DENND4A: variants seen among roughly 807,000 people sequenced by gnomAD.
The protein encoded by DENND4A is DENN domain containing 4A.
In DENND4A, 70 loss-of-function variants were observed where a neutral mutation model predicts 199.3. That is an observed-to-expected ratio of 0.35 (90% CI 0.29 to 0.43). The LOEUF is 0.43. DENND4A is among the 20% of genes least tolerant of loss of function. The pLI is 1.00. For missense variants in DENND4A, 1,723 were observed against 2,255.8 expected, an observed-to-expected ratio of 0.76 and a Z score of 4.78; for synonymous variants, 686 against 766.9, an observed-to-expected ratio of 0.89 and a Z score of 1.74.
At chr15:65,664,442 T>A in intron 31 of DENND4A, 48 bp from the exon 32 acceptor site, 1 of 1,510,404 alleles carries the variant, frequency 6.6e-7, no homozygotes, top group Non-Finnish European at 9.1e-7. Context: ...ATATAGTCCA[T>A]ATGTTCCCTA....
At chr15:65,755,490 G>A (rs1395278088) in intron 3 of DENND4A, among the ~76,000 whole-genome samples, 2 of 152,176 alleles carry the variant, frequency 1.3e-5, no homozygotes, top group Admixed American at 6.5e-5. Flanking sequence ...ATGGGGCTGG[G>A]TGTGGTGGCT....
Position 65,690,655 on chromosome 15 carries a change from T to C in DENND4A, c.3939A>G (p.Thr1313=). 1 of 1,613,794 alleles carries C rather than the reference T, an allele frequency of 6.2e-7. No individual in the cohort carries two copies. The highest frequency in any genetic ancestry group is 8.5e-7 in the Non-Finnish European group (1 of 1,179,810). The change falls in exon 23 of 33, where the codon ACA becomes ACG. Residue 1313 remains threonine, a synonymous_variant. Coordinates refer to ENST00000443035, the MANE Select transcript of DENND4A (RefSeq NM_001320835.1). Reference sequence around the variant, plus strand: ...TATCCCTTGGTTTCTCCTCACTTTTTGTGTAACTTTTAGATTTGGTAAGTC... The same window carrying C: ...TATCCCTTGGTTTCTCCTCACTTTTCGTGTAACTTTTAGATTTGGTAAGTC... The part of the protein sequence containing the change: ...PVRLTKSKSY[T]KSEEKPRDRL...
intron 23 of DENND4A, among the ~76,000 whole-genome samples, chr15:65,679,717 T>TG (rs933263384): frequency 6.6e-6 from 1 of 151,546 alleles, no homozygotes; most frequent in Non-Finnish European, 1.5e-5. Flanking sequence ...TTTCTAGAGA[T>TG]GGGGTTTTGC....
At chr15:65,706,476 A>T (rs2075056847) in intron 14 of DENND4A, among the ~76,000 whole-genome samples, 1 of 115,322 alleles carries the variant, frequency 8.7e-6, no homozygotes, top group South Asian at 3.0e-4. Context: ...ACACACACAC[A>T]CACACACACA....
chr15:65,776,526 C>G (rs932859987), intron 1 of DENND4A, among the ~76,000 whole-genome samples: 4 of 152,076 alleles, frequency 2.6e-5, no homozygotes, highest in African/African-American at 9.7e-5. Context: ...TTAAGTATCC[C>G]TTTGTATCCA....
chr15:65,738,472 T>C (rs897689557), intron 6 of DENND4A, among the ~76,000 whole-genome samples: 2 of 152,142 alleles, frequency 1.3e-5, no homozygotes, highest in African/African-American at 2.4e-5. Flanking sequence ...AAATGAAGGA[T>C]CATCATTTGA....
intron 11 of DENND4A, among the ~76,000 whole-genome samples, chr15:65,724,382 T>A (rs1399838735): frequency 9.6e-5 from 3 of 31,340 alleles, no homozygotes; most frequent in East Asian, 0.013. Context: ...TTTTGAATCG[T>A]TTTTTTTTTT....
Position 65,715,503 on chromosome 15 carries a change from G to T in DENND4A, c.1928C>A (p.Ala643Glu), listed in dbSNP as rs1361590492. The change falls in exon 14 of 33, where the codon GCA (alanine) becomes GAA (glutamate). Residue 643 changes from alanine (A) to glutamate (E), a missense_variant. Transcript: ENST00000443035. ...TTTATCTACACAATCATCAAAAAAT[G>T]CCAGGCTTGCATCTTTGTCACTAAC... ...SFVSDKDASL[A>E]FFDDCVDKVD... The T allele has an allele frequency of 4.3e-6, 7 of 1,610,404 alleles. No homozygotes were observed. The highest frequency in any genetic ancestry group is 5.1e-6 in the Non-Finnish European group (6 of 1,179,160).
chr15:65,751,402 T>C (rs1046310424), intron 4 of DENND4A, among the ~76,000 whole-genome samples: 1 of 152,212 alleles, frequency 6.6e-6, no homozygotes, highest in Admixed American at 6.5e-5. Flanking sequence ...TTTGGACATA[T>C]TAAATTTGAG....
At position 65,725,011 on chromosome 15, in the gene DENND4A, C is replaced by G. The variant is rs558992860; in HGVS notation, c.1488-2063G>C. Among the ~76,000 whole-genome samples the G allele has an allele frequency of 4.6e-5, 7 of 152,318 alleles. No homozygotes were observed. In the South Asian group the frequency reaches 1.4e-3, roughly 32 times the overall value. ...TGAATGAACAACATCTTGGTATCAT[C>G]TGATCACATCTAATTACTGTTACTT... is the stretch of plus-strand genomic sequence containing the variant. On this transcript the variant is annotated intron_variant, in intron 11 of 32. Coordinates refer to ENST00000443035, the MANE Select transcript of DENND4A (RefSeq NM_001320835.1).
chr15:65,737,674 T>C (rs763052246), intron 7 of DENND4A, 33 bp downstream of exon 7: 3 of 1,533,036 alleles, frequency 2.0e-6, no homozygotes, highest in African/African-American at 2.8e-5. Context: ...TGGAAAGATC[T>C]GTCAAATGTT....
Position 65,690,780 on chromosome 15 carries a change from A to T in DENND4A, c.3814T>A (p.Leu1272Ile). 3.7e-6 allele frequency: 6 copies of T among 1,613,480 alleles called. No individual in the cohort carries two copies. Among genetic ancestry groups the T allele is most frequent in the Non-Finnish European group, 5.1e-6 (6 of 1,179,738 alleles). The part of the protein sequence containing the change: ...PLTSRTPSID[L>I]QRACDDKLNK... ...AATTTATCATCACATGCCCGTTGTA[A>T]ATCAATGCTTGGTGTACGACTTGTC... is the stretch of plus-strand genomic sequence containing the variant. Residue 1272 changes from leucine (L) to isoleucine (I), a missense_variant, in exon 23 of 33, where the codon TTA becomes ATA. Physicochemically the swap from Leu to Ile is conservative, Grantham distance 5. This residue lies in a region of DENND4A where 650 missense variants were observed against 738.1 expected (regional missense o/e 0.88). Transcript: ENST00000443035.
intron 13 of DENND4A, 150 bp downstream of exon 13, chr15:65,717,628 G>C: frequency 1.4e-6 from 1 of 734,802 alleles, no homozygotes. Context: ...TAGTCCTATG[G>C]AAATGGGTAA....
intron 23 of DENND4A, among the ~76,000 whole-genome samples, chr15:65,686,858 G>A (rs1393823794): frequency 6.6e-6 from 1 of 150,618 alleles, no homozygotes; most frequent in African/African-American, 2.5e-5. Flanking sequence ...TGGCCAGCTA[G>A]TTAAAATTAA....
At chr15:65,701,692 A>G (rs970030595) in intron 18 of DENND4A, 70 bp downstream of exon 18, 6 of 1,453,340 alleles carry the variant, frequency 4.1e-6, no homozygotes, top group Non-Finnish European at 5.7e-6. Context: ...CCCTGCATAA[A>G]TTATTTCTGC....
At chr15:65,713,519 A>G (rs910739448) in intron 14 of DENND4A, among the ~76,000 whole-genome samples, 1 of 152,212 alleles carries the variant, frequency 6.6e-6, no homozygotes, top group Non-Finnish European at 1.5e-5. Flanking sequence ...TGTCATTAAT[A>G]TGCATTTTGT....
At chr15:65,680,313 A>G (rs1410220653) in intron 23 of DENND4A, among the ~76,000 whole-genome samples, 4 of 152,204 alleles carry the variant, frequency 2.6e-5, no homozygotes, top group Non-Finnish European at 5.9e-5. Flanking sequence ...GAAAGGTATG[A>G]AAATTTCTCA....
intron 14 of DENND4A, among the ~76,000 whole-genome samples, chr15:65,711,391 G>C (rs2075244795): frequency 6.6e-6 from 1 of 152,206 alleles, no homozygotes; most frequent in African/African-American, 2.4e-5. Flanking sequence ...CTACTCAGGA[G>C]ACTGAGGTGA....
At chr15:65,725,323 A>G (rs777263078) in intron 11 of DENND4A, among the ~76,000 whole-genome samples, 5 of 152,190 alleles carry the variant, frequency 3.3e-5, no homozygotes, top group African/African-American at 9.7e-5. Context: ...CATAAGCTAT[A>G]TGCCCTTTGA....
Sources: gnomAD v4.1 joint callset for allele counts (sites outside exome capture counted in the v4.1 genomes callset) on GRCh38, gnomAD v4.1.1 for gene constraint, gnomAD v4.1.1 regional missense constraint, MANE v1.5 for transcripts, NCBI Gene and HGNC (gene_info 2026-07-23, HGNC 2026-07-21) for gene names.